Variants in TRHR observed in about 807,000 individuals in gnomAD.
The protein encoded by TRHR is thyrotropin-releasing hormone receptor.
In TRHR, 14 loss-of-function variants were observed where a neutral mutation model predicts 28.0. The ratio of observed to expected loss-of-function variants is 0.50; its 90% CI spans 0.33 to 0.78. TRHR has a LOEUF of 0.78. TRHR is among the 30% of genes least tolerant of loss of function. The probability of loss-of-function intolerance (pLI) is 0.02; values close to 1 mark genes in which losing one functional copy is unlikely to be tolerated. For missense variants in TRHR, 438 were observed against 469.5 expected (o/e 0.93, Z 0.62); for synonymous variants, 176 against 171.9 (o/e 1.02, Z -0.18).
intron 2 of TRHR, among the ~76,000 whole-genome samples, chr8:109,096,097 C>T (rs1309454640): frequency 6.6e-6 from 1 of 152,154 alleles, no homozygotes; most frequent in Non-Finnish European, 1.5e-5. Flanking sequence ...ATTTTAACTC[C>T]TTAGCGTCAC....
At chr8:109,115,418 G>A (rs1158786118) in intron 2 of TRHR, among the ~76,000 whole-genome samples, 4 of 152,096 alleles carry the variant, frequency 2.6e-5, no homozygotes, top group South Asian at 2.1e-4. Context: ...CCATTTTCAC[G>A]ATATTGATTC....
chr8:109,114,612 A>T (rs371635878), intron 2 of TRHR, among the ~76,000 whole-genome samples: 1 of 152,096 alleles, frequency 6.6e-6, no homozygotes. Context: ...TGGAATTTGC[A>T]CATTAAATTA....
chr8:109,112,083 A>T (rs1465331342), intron 2 of TRHR, among the ~76,000 whole-genome samples: 5 of 152,180 alleles, frequency 3.3e-5, no homozygotes, highest in Non-Finnish European at 1.5e-5. Context: ...CAGAGGCAGA[A>T]AAGGACTGTG....
chr8:109,097,427 T>A (rs1323432742), intron 2 of TRHR, among the ~76,000 whole-genome samples: 2 of 152,176 alleles, frequency 1.3e-5, no homozygotes, highest in African/African-American at 4.8e-5. Context: ...ATCCGTTATC[T>A]CTTCAATTCA....
intron 2 of TRHR, among the ~76,000 whole-genome samples, chr8:109,102,641 A>G (rs1811694080): frequency 6.6e-6 from 1 of 152,080 alleles, no homozygotes; most frequent in Non-Finnish European, 1.5e-5. Flanking sequence ...TTTTTCAGTG[A>G]AGTAGAATGG....
intron 2 of TRHR, among the ~76,000 whole-genome samples, chr8:109,096,638 G>A (rs949208815): frequency 6.6e-6 from 1 of 152,282 alleles, no homozygotes; most frequent in South Asian, 2.1e-4. Flanking sequence ...TCACACTGGT[G>A]GCTTAAAATT....
chr8:109,100,232 G>A (rs954350407), intron 2 of TRHR, among the ~76,000 whole-genome samples: 1 of 152,080 alleles, frequency 6.6e-6, no homozygotes, highest in African/African-American at 2.4e-5. Context: ...GTTTTACCAG[G>A]AAAAATAGGA....
chr8:109,097,081 TG>T (rs1811605132), intron 2 of TRHR, among the ~76,000 whole-genome samples: 4 of 152,310 alleles, frequency 2.6e-5, no homozygotes, highest in Admixed American at 2.6e-4. Context: ...TAGGACAGGC[TG>T]ATTTGGAAAC....
chr8:109,109,882 T>A (rs1365506746), intron 2 of TRHR, among the ~76,000 whole-genome samples: 1 of 152,212 alleles, frequency 6.6e-6, no homozygotes. Flanking sequence ...CAGAGCTCTG[T>A]TGATTTTCCA....
At chr8:109,113,524 T>C (rs1811871567) in intron 2 of TRHR, among the ~76,000 whole-genome samples, 1 of 152,096 alleles carries the variant, frequency 6.6e-6, no homozygotes, top group South Asian at 2.1e-4. Context: ...AATGTGGTAT[T>C]CTAGATGGTA....
intron 2 of TRHR, among the ~76,000 whole-genome samples, chr8:109,096,996 C>A (rs1415437886): frequency 1.3e-5 from 2 of 152,076 alleles, no homozygotes; most frequent in Non-Finnish European, 2.9e-5. Context: ...CCCAAAATAA[C>A]AAAAGTGCAA....
In TRHR at chr8:109,087,498, T is replaced by C; in HGVS notation, c.-15T>C. The C allele has an allele frequency of 6.2e-7, 1 of 1,614,062 alleles. No individual in the cohort carries two copies. On this transcript the variant is annotated 5_prime_UTR_variant, in exon 2 of 3. Coordinates refer to ENST00000518632, the MANE Select transcript of TRHR (RefSeq NM_003301.7). ...TGAGAAGTCAGTGTTTCCGAGAAAC[T>C]TTAAGCTTCTAAAGATGGAAAACGA... is the stretch of plus-strand genomic sequence containing the variant.
chr8:109,093,400 C>CTTTTTTTTTTTT (rs34645119), intron 2 of TRHR, among the ~76,000 whole-genome samples: 1 of 77,394 alleles, frequency 1.3e-5, no homozygotes, highest in Admixed American at 2.1e-4. Context: ...GTGCTATTTA[C>CTTTTTTTTTTTT]TTTTTTTTTT....
intron 2 of TRHR, among the ~76,000 whole-genome samples, chr8:109,114,642 C>T (rs962013348): frequency 4.6e-5 from 7 of 152,014 alleles, no homozygotes; most frequent in South Asian, 2.1e-4. Flanking sequence ...CCATGATATA[C>T]CCACTGTTAC....
At chr8:109,089,030 A>G (rs1182287816) in intron 2 of TRHR, among the ~76,000 whole-genome samples, 1 of 152,216 alleles carries the variant, frequency 6.6e-6, no homozygotes, top group Non-Finnish European at 1.5e-5. Flanking sequence ...ATACTTTTAG[A>G]TCACCTGAAT....
Position 109,087,991 on chromosome 8 carries a change from G to A in TRHR, c.479G>A (p.Trp160Ter). 6.2e-7 allele frequency: 1 copy of A among 1,613,986 alleles called. No homozygotes were observed. Among genetic ancestry groups the A allele is most frequent in the Non-Finnish European group, 8.5e-7 (1 of 1,180,032 alleles). ...WAFTSLYCML[W>*]FFLLDLNIST... Reference sequence around the variant, plus strand: ...TTCACATCTCTTTACTGTATGCTCTGGTTCTTCTTGCTGGATCTCAATATT... The same window carrying A: ...TTCACATCTCTTTACTGTATGCTCTAGTTCTTCTTGCTGGATCTCAATATT... The change falls in exon 2 of 3, where the codon TGG (tryptophan) becomes TAG (stop). Residue 160 changes from tryptophan (W) to a stop codon, truncating the protein, a stop_gained. Transcript: ENST00000518632. LOFTEE classifies it high-confidence loss of function.
intron 2 of TRHR, among the ~76,000 whole-genome samples, chr8:109,096,286 T>C (rs1423187358): frequency 6.6e-6 from 1 of 152,222 alleles, no homozygotes; most frequent in Non-Finnish European, 1.5e-5. Flanking sequence ...ATAAATCAAA[T>C]GATGCCCAGC....
At position 109,088,145 on chromosome 8, in the gene TRHR, T is replaced by C; in HGVS notation, c.633T>C (p.Tyr211=). The change falls in exon 2 of 3, where the codon TAT becomes TAC. Residue 211 remains tyrosine (Y), a synonymous_variant. Transcript: ENST00000518632. ...CAATGATCCTGGCTACCGTCCTCTA[T>C]GGATTCATAGCTAGAATCCTTTTCT... ...VVPMILATVL[Y]GFIARILFLN... is the part of the protein sequence containing the mutation. The C allele has an allele frequency of 6.2e-7, 1 of 1,614,196 alleles. No individual in the cohort carries two copies. Among genetic ancestry groups the C allele is most frequent in the South Asian group, 1.1e-5 (1 of 91,082 alleles).
chr8:109,106,391 G>C (rs1352046844), intron 2 of TRHR, among the ~76,000 whole-genome samples: 2 of 152,104 alleles, frequency 1.3e-5, no homozygotes, highest in South Asian at 2.1e-4. Context: ...TATTAACATA[G>C]TGCCGATCAA....
Sources: allele counts gnomAD v4.1 joint callset (sites outside exome capture counted in the v4.1 genomes callset), GRCh38; gene constraint gnomAD v4.1.1; transcripts MANE v1.5; gene names NCBI Gene and HGNC (gene_info 2026-07-23, HGNC 2026-07-21).